The following KCNT2 variants were observed in gnomAD, a reference collection of about 807,000 sequenced individuals.
KCNT2 encodes potassium sodium-activated channel subfamily T member 2.
Under a neutral mutation model 153.8 loss-of-function variants are expected in KCNT2, and 67 were observed. The observed-to-expected ratio is 0.44, with a 90% CI of 0.36 to 0.53. KCNT2 has a LOEUF of 0.53. Among genes scored for constraint, KCNT2 ranks in the 20% least tolerant of loss-of-function variants. The probability of loss-of-function intolerance (pLI) is 0.00; values close to 1 mark genes in which losing one functional copy is unlikely to be tolerated. For missense variants in KCNT2, 975 were observed against 1,354.8 expected (o/e 0.72, Z 4.40); for synonymous variants, 500 against 458.8 (o/e 1.09, Z -1.15).
intron 1 of KCNT2, among the ~76,000 whole-genome samples, chr1:196,516,444 C>T (rs1337844936): frequency 2.0e-5 from 3 of 151,954 alleles, no homozygotes; most frequent in Admixed American, 2.0e-4. Flanking sequence ...CTACAACACC[C>T]CTGCTGGTGT....
chr1:196,326,003 A>G (rs997033100), intron 19 of KCNT2, among the ~76,000 whole-genome samples: 21 of 152,080 alleles, frequency 1.4e-4, no homozygotes, highest in Admixed American at 1.3e-3. Context: ...GGATGAGGAG[A>G]GTGAGAGAAT....
At chr1:196,371,477 T>C (rs916529101) in intron 14 of KCNT2, among the ~76,000 whole-genome samples, 2 of 152,014 alleles carry the variant, frequency 1.3e-5, no homozygotes, top group African/African-American at 2.4e-5. Context: ...TTGTACACTT[T>C]AAATGGGTGA....
chr1:196,575,003 A>C (rs2148959687), intron 1 of KCNT2, among the ~76,000 whole-genome samples: 1 of 152,176 alleles, frequency 6.6e-6, no homozygotes, highest in East Asian at 1.9e-4. Flanking sequence ...TTATATACTA[A>C]ATTTCATGGT....
intron 1 of KCNT2, among the ~76,000 whole-genome samples, chr1:196,596,056 G>GTATATA (rs1174131733): frequency 3.9e-3 from 17 of 4,334 alleles, no homozygotes; most frequent in African/African-American, 4.6e-3. Flanking sequence ...TCCATGATGT[G>GTATATA]TATATATATA....
intron 1 of KCNT2, among the ~76,000 whole-genome samples, chr1:196,512,120 G>T (rs1489282507): frequency 6.6e-6 from 1 of 152,050 alleles, no homozygotes; most frequent in African/African-American, 2.4e-5. Context: ...TCAGCATTAG[G>T]CACAGTTGAT....
rs1654512775 is a variant in KCNT2, at chr1:196,237,108, A to G, written c.3212-1038T>C. On this transcript the variant is annotated intron_variant, in intron 26 of 27. Coordinates refer to ENST00000294725, the MANE Select transcript of KCNT2 (RefSeq NM_198503.5). ...AAGAAATGGTTTCATACCAATACCT[A>G]TAGTATTTAGTGCATACTCAAATAA... 2.0e-5 allele frequency among the ~76,000 whole-genome samples: 3 copies of G among 151,786 alleles called. No individual in the cohort carries two copies. The South Asian group carries it at 6.2e-4, about 31-fold the overall frequency.
At chr1:196,352,324 C>T (rs1272299555) in intron 14 of KCNT2, among the ~76,000 whole-genome samples, 7 of 152,072 alleles carry the variant, frequency 4.6e-5, no homozygotes, top group African/African-American at 1.7e-4. Flanking sequence ...AGCTGTGAAT[C>T]CATCTGGTCC....
intron 12 of KCNT2, among the ~76,000 whole-genome samples, chr1:196,411,446 T>TAA (rs35196093): frequency 0.034 from 3,262 of 96,134 alleles, 99 homozygotes; most frequent in East Asian, 0.16. Flanking sequence ...CTATTCCAGT[T>TAA]AAAAAAAAAA....
chr1:196,350,488 G>C (rs1283411526), intron 14 of KCNT2, among the ~76,000 whole-genome samples: 3 of 151,982 alleles, frequency 2.0e-5, no homozygotes, highest in Non-Finnish European at 4.4e-5. Flanking sequence ...TGTGTCTTTT[G>C]GCTGCATAAA....
At chr1:196,237,768 C>T (rs1473219419) in intron 26 of KCNT2, among the ~76,000 whole-genome samples, 1 of 151,726 alleles carries the variant, frequency 6.6e-6, no homozygotes, top group Non-Finnish European at 1.5e-5. Context: ...ACCTGGTGGT[C>T]ATATCTAGTG....
rs541811030 is a variant in KCNT2 at position 196,563,529 on chromosome 1, C to A, written c.95+44686G>T. ...TACTTCTAAACTCATCTTATGAAAC[C>A]AACATTACCTTCATACCAAAAATAG... On this transcript the variant is annotated intron_variant, in intron 1 of 27. Coordinates refer to ENST00000294725, the MANE Select transcript of KCNT2 (RefSeq NM_198503.5). Among the ~76,000 whole-genome samples the A allele has an allele frequency of 1.4e-3, 207 of 147,810 alleles. 1 individual carries two copies. Among genetic ancestry groups the A allele is most frequent in the African/African-American group, 4.8e-3 (193 of 40,534 alleles).
chr1:196,570,702 C>A (rs190576733), intron 1 of KCNT2, among the ~76,000 whole-genome samples: 1 of 151,994 alleles, frequency 6.6e-6, no homozygotes, highest in Non-Finnish European at 1.5e-5. Context: ...AATGGGGATG[C>A]CTAGGATTCT....
chr1:196,440,936 G>A (rs879270514), intron 8 of KCNT2, among the ~76,000 whole-genome samples: 11 of 151,596 alleles, frequency 7.3e-5, no homozygotes, highest in African/African-American at 2.4e-4. Context: ...ACAAAGTACG[G>A]TCTATACATA....
intron 1 of KCNT2, among the ~76,000 whole-genome samples, chr1:196,588,998 T>A (rs1394410937): frequency 1.3e-5 from 2 of 151,932 alleles, no homozygotes; most frequent in African/African-American, 2.4e-5. Flanking sequence ...AAGACAAGAA[T>A]GTAAAATATC....
At chr1:196,484,622 T>C (rs1679272196) in intron 3 of KCNT2, among the ~76,000 whole-genome samples, 1 of 152,144 alleles carries the variant, frequency 6.6e-6, no homozygotes, top group Non-Finnish European at 1.5e-5. Context: ...CTGAATGGTA[T>C]TGCCTTGGTT....
At chr1:196,507,904 C>G (rs961751066) in intron 1 of KCNT2, among the ~76,000 whole-genome samples, 4 of 151,642 alleles carry the variant, frequency 2.6e-5, no homozygotes, top group African/African-American at 7.3e-5. Context: ...TAATCTGATT[C>G]TATAATGAGT....
chr1:196,334,417 A>G (rs976719512), intron 16 of KCNT2, among the ~76,000 whole-genome samples: 1 of 148,320 alleles, frequency 6.7e-6, no homozygotes, highest in Admixed American at 6.7e-5. Context: ...GTTGTTGACC[A>G]TGTCCATTTT....
chr1:196,364,830 G>C (rs1370171333), intron 14 of KCNT2, among the ~76,000 whole-genome samples: 2 of 152,020 alleles, frequency 1.3e-5, no homozygotes, highest in Non-Finnish European at 2.9e-5. Flanking sequence ...GTTTGAACTT[G>C]TTTGTGAAAA....
chr1:196,329,958 T>TATATAC (rs1167316761), intron 18 of KCNT2, among the ~76,000 whole-genome samples: 1 of 126,092 alleles, frequency 7.9e-6, no homozygotes, highest in Non-Finnish European at 1.6e-5. Context: ...GACATATATA[T>TATATAC]ATATATATAT....
Sources: gnomAD v4.1 joint callset for allele counts (sites outside exome capture counted in the v4.1 genomes callset) on GRCh38, gnomAD v4.1.1 for gene constraint, MANE v1.5 for transcripts, NCBI Gene and HGNC (gene_info 2026-07-23, HGNC 2026-07-21) for gene names.